The following LUC7L2 variants were observed in gnomAD, a reference collection of about 807,000 sequenced individuals.
LUC7L2 encodes the protein putative RNA-binding protein Luc7-like 2.
In LUC7L2, 25 loss-of-function variants were observed where a neutral mutation model predicts 52.8. The ratio of observed to expected loss-of-function variants is 0.47; its 90% CI spans 0.34 to 0.66. The LOEUF (loss-of-function observed/expected upper bound fraction) is 0.66. Ranked by LOEUF, LUC7L2 falls within the 30% of genes least tolerant of loss-of-function variation. LUC7L2 has a pLI of 0.01. For synonymous variants in LUC7L2, 144 were observed against 160.9 expected (o/e 0.89, Z 0.80); for missense variants, 328 against 497.8 (o/e 0.66, Z 3.25).
At chr7:139,369,817 G>A (rs1028282420) in intron 1 of LUC7L2, among the ~76,000 whole-genome samples, 15 of 152,176 alleles carry the variant, frequency 9.9e-5, no homozygotes, top group African/African-American at 3.6e-4. Flanking sequence ...ATGGTGGGGG[G>A]TGATACTGGT....
intron 2 of LUC7L2, among the ~76,000 whole-genome samples, chr7:139,382,498 A>T (rs1005246417): frequency 5.3e-5 from 8 of 151,784 alleles, no homozygotes; most frequent in Non-Finnish European, 4.4e-5. Context: ...TTTTCCTGCT[A>T]GTCTCCCAAG....
At chr7:139,401,708 C>T (rs537705736) in intron 3 of LUC7L2, among the ~76,000 whole-genome samples, 1 of 151,802 alleles carries the variant, frequency 6.6e-6, no homozygotes, top group South Asian at 2.1e-4. Context: ...CTGCTTCGGC[C>T]TCCCAAAGTG....
At chr7:139,387,965 C>G (rs1008034371) in intron 2 of LUC7L2, among the ~76,000 whole-genome samples, 3 of 152,098 alleles carry the variant, frequency 2.0e-5, no homozygotes, top group Non-Finnish European at 4.4e-5. Context: ...CGTCTCACTC[C>G]TTTCTTTCCC....
Position 139,417,567 on chromosome 7 carries a change from G to T in LUC7L2, c.839G>T (p.Arg280Leu). Residue 280 changes from arginine to leucine, a missense_variant, in exon 9 of 10, where the codon CGA (arginine) becomes CTA (leucine). By Grantham distance (102) the Arg-to-Leu change is moderately radical (BLOSUM62 -2). Coordinates refer to ENST00000354926, the MANE Select transcript of LUC7L2 (RefSeq NM_016019.5). ...AGGTCCAGAGAGCATCGCAGACATC[G>T]ATCTCGCTCCATGTCACGTGAACGC... ...RSRSREHRRH[R>L]SRSMSRERKR... The T allele has an allele frequency of 6.2e-7, 1 of 1,614,100 alleles. No homozygotes were observed. The highest frequency in any genetic ancestry group is 8.5e-7 in the Non-Finnish European group (1 of 1,180,020).
In LUC7L2 at chr7:139,422,867, G is replaced by A. The variant is rs908227678; in HGVS notation, c.*527G>A. ...GTTCAGAGCATTGATCCTGGAATGT[G>A]TGCTGGAGAAATTTAAAATACTGGG... On this transcript the variant is annotated 3_prime_UTR_variant, in exon 10 of 10. Coordinates refer to ENST00000354926, the MANE Select transcript of LUC7L2 (RefSeq NM_016019.5). The A allele has an allele frequency of 1.5e-4, 58 of 398,934 alleles. No homozygotes were observed. Among genetic ancestry groups the A allele is most frequent in the Non-Finnish European group, 2.4e-4 (55 of 226,078 alleles). The allele number at this position is 398,934 out of a possible 1,614,324, so 24.7% of individuals were successfully genotyped here.
chr7:139,406,352 C>CTT (rs58282436), intron 5 of LUC7L2, among the ~76,000 whole-genome samples: 12 of 132,514 alleles, frequency 9.1e-5, no homozygotes, highest in East Asian at 4.4e-4. Context: ...GCACCAGGGC[C>CTT]TTTTTTTTTT....
At chr7:139,357,000 T>G (rs1799625416), upstream of LUC7L2, among the ~76,000 whole-genome samples, 1 of 152,062 alleles carries the variant, frequency 6.6e-6, no homozygotes, top group African/African-American at 2.4e-5. Context: ...AGCATATAAC[T>G]TGGGATGAGA....
chr7:139,351,031 C>A (rs184536954), intron 1 of LUC7L2, among the ~76,000 whole-genome samples: 1 of 152,024 alleles, frequency 6.6e-6, no homozygotes, highest in South Asian at 2.1e-4. Flanking sequence ...TTCTGTGTAT[C>A]CCTTACATGT....
intron 1 of LUC7L2, among the ~76,000 whole-genome samples, chr7:139,352,500 A>T (rs1799488116): frequency 6.6e-6 from 1 of 152,148 alleles, no homozygotes; most frequent in African/African-American, 2.4e-5. Context: ...CATCTCAAAG[A>T]TATAAATTAT....
chr7:139,350,612 G>A (rs527857527), intron 1 of LUC7L2, among the ~76,000 whole-genome samples: 2 of 151,456 alleles, frequency 1.3e-5, no homozygotes, highest in East Asian at 1.9e-4. Flanking sequence ...CTCGTTTGTT[G>A]TCTAGGGAGC....
chr7:139,412,653 A>G (rs1795411608), intron 8 of LUC7L2, 73 bp downstream of exon 8: 1 of 1,519,302 alleles, frequency 6.6e-7, no homozygotes, highest in Non-Finnish European at 8.8e-7. Flanking sequence ...TAGATTGATT[A>G]AATGGTCCTT....
At chr7:139,354,297 T>C (rs895734279) in intron 1 of LUC7L2, among the ~76,000 whole-genome samples, 14 of 152,164 alleles carry the variant, frequency 9.2e-5, no homozygotes, top group Non-Finnish European at 1.9e-4. Flanking sequence ...GGTCAGAACA[T>C]AGGAGAAGAC....
chr7:139,406,387 C>G (rs751812769), intron 5 of LUC7L2, among the ~76,000 whole-genome samples: 7 of 145,060 alleles, frequency 4.8e-5, no homozygotes, highest in Non-Finnish European at 9.0e-5. Flanking sequence ...GAGTCTTACT[C>G]TCTCTCCAAG....
chr7:139,384,094 T>G (rs1794085377), intron 2 of LUC7L2, among the ~76,000 whole-genome samples: 1 of 152,144 alleles, frequency 6.6e-6, no homozygotes, highest in Non-Finnish European at 1.5e-5. Context: ...AGTGGTTACC[T>G]GTGCAAGTAT....
chr7:139,341,892 T>C (rs6947215), intron 1 of LUC7L2, among the ~76,000 whole-genome samples: 59,311 of 152,158 alleles, frequency 0.39, 16,188 homozygotes, highest in African/African-American at 0.78. Context: ...GGTGTACTGT[T>C]GCTAGACTTA....
At chr7:139,361,922 T>C (rs1799904676) in intron 1 of LUC7L2, among the ~76,000 whole-genome samples, 2 of 152,214 alleles carry the variant, frequency 1.3e-5, no homozygotes, top group African/African-American at 4.8e-5. Flanking sequence ...TGGATTGGAT[T>C]TCTTAGTTTT....
chr7:139,375,391 C>T (rs1800657647), intron 1 of LUC7L2: 1 of 985,200 alleles, frequency 1.0e-6, no homozygotes, highest in East Asian at 1.1e-4. Context: ...CCTTTGGACG[C>T]ATTAAAGTTA....
intron 1 of LUC7L2, chr7:139,341,514 G>A (rs777537487): frequency 4.3e-6 from 7 of 1,612,672 alleles, no homozygotes; most frequent in Non-Finnish European, 5.9e-6. Flanking sequence ...GGCTTTCCGT[G>A]CACATCGGGT....
chr7:139,422,102 T>A, intron 9 of LUC7L2, 61 bp from the exon 10 acceptor site: 1 of 1,537,540 alleles, frequency 6.5e-7, no homozygotes, highest in Non-Finnish European at 8.7e-7. Context: ...TTTATCCTAT[T>A]CTTTAATTTG....
Sources: gnomAD v4.1 joint callset for allele counts (sites outside exome capture counted in the v4.1 genomes callset) on GRCh38, gnomAD v4.1.1 for gene constraint, MANE v1.5 for transcripts, NCBI Gene and HGNC (gene_info 2026-07-23, HGNC 2026-07-21) for gene names.